The following HLF variants were observed in gnomAD, a reference collection of about 807,000 sequenced individuals.
HLF encodes HLF transcription factor, PAR bZIP family member, also known as hepatic leukemia factor.
A neutral mutation model predicts 22.6 loss-of-function variants in HLF; 3 were observed. That is an observed-to-expected ratio of 0.13 (90% CI 0.06 to 0.34). The LOEUF is 0.34. HLF is among the 10% of genes least tolerant of loss of function. The probability of loss-of-function intolerance (pLI) is 1.00; values close to 1 mark genes in which losing one functional copy is unlikely to be tolerated. For synonymous variants in HLF, 151 were observed against 151.8 expected (o/e 0.99, Z 0.04); for missense variants, 299 against 389.2 (o/e 0.77, Z 1.95).
At chr17:55,304,605 C>T (rs1319863160) in intron 2 of HLF, among the ~76,000 whole-genome samples, 1 of 152,218 alleles carries the variant, frequency 6.6e-6, no homozygotes, top group East Asian at 1.9e-4. Context: ...TAGTCTGGGC[C>T]ACTTTGAGTA....
At position 55,320,827 on chromosome 17, in the gene HLF, G is replaced by A; in HGVS notation, c.836G>A (p.Gly279Asp). ...QEVADLRKEL[G>D]KCKNILAKYE... ...GTGGCTGACTTGAGGAAGGAGCTGG[G>A]CAAATGCAAGAACATACTTGCCAAG... Residue 279 changes from glycine to aspartate, a missense_variant, in exon 4 of 4, where the codon GGC (glycine) becomes GAC (aspartate). Physicochemically the swap from Gly to Asp is moderately conservative, Grantham distance 94 (BLOSUM62 -1). Transcript: ENST00000226067. This position sits in a 1 kb window ranked among gnomAD's most constrained non-coding sequence, Gnocchi z 4.2. 1 of 1,613,808 alleles carries A rather than the reference G, an allele frequency of 6.2e-7. No individual in the cohort carries two copies. Among genetic ancestry groups the A allele is most frequent in the Non-Finnish European group, 8.5e-7 (1 of 1,179,920 alleles).
At chr17:55,268,278 C>T (rs541296058) in intron 2 of HLF, among the ~76,000 whole-genome samples, 192 bp downstream of exon 2, 2 of 152,228 alleles carry the variant, frequency 1.3e-5, no homozygotes, top group African/African-American at 2.4e-5. Flanking sequence ...CTGGAGAGTC[C>T]GGTAAATACA....
At chr17:55,276,336 C>T (rs2080904260) in intron 2 of HLF, among the ~76,000 whole-genome samples, 1 of 152,158 alleles carries the variant, frequency 6.6e-6, no homozygotes, top group African/African-American at 2.4e-5. Context: ...GACAAACTAG[C>T]ATGTTCTCAG....
chr17:55,319,707 G>A (rs559799397), intron 3 of HLF, among the ~76,000 whole-genome samples: 5 of 152,030 alleles, frequency 3.3e-5, no homozygotes, highest in African/African-American at 7.2e-5. Flanking sequence ...ATTGATTAGC[G>A]GCAGGTTGAA....
At chr17:55,309,699 G>A (rs953537266) in intron 2 of HLF, among the ~76,000 whole-genome samples, 5 of 152,152 alleles carry the variant, frequency 3.3e-5, no homozygotes, top group Non-Finnish European at 5.9e-5. Flanking sequence ...AATTGATAGA[G>A]GATAATGTTA....
At chr17:55,318,438 T>G (rs1006634333) in intron 3 of HLF, among the ~76,000 whole-genome samples, 5 of 152,148 alleles carry the variant, frequency 3.3e-5, no homozygotes, top group African/African-American at 1.2e-4. Flanking sequence ...GAGAGCACTT[T>G]AGAAGTGAGA....
chr17:55,276,880 A>C (rs1323418170), intron 2 of HLF, among the ~76,000 whole-genome samples: 1 of 152,232 alleles, frequency 6.6e-6, no homozygotes, highest in Non-Finnish European at 1.5e-5. Context: ...TTCCTCTGGC[A>C]AGCCAGGATT....
Position 55,320,942 on chromosome 17 carries a change from C to A in HLF, c.*63C>A. 7.7e-7 allele frequency: 1 copy of A among 1,298,516 alleles called. No individual in the cohort carries two copies. The highest frequency in any genetic ancestry group is 2.1e-5 in the Admixed American group (1 of 48,458). The allele number at this position is 1,298,516 out of a possible 1,614,324, so 80.4% of individuals were successfully genotyped here. ...CAGTTTGTTTCCTGTCTGATAGCACCACACGCAAACCAACCTTTCTGACAT... is the reference window on the plus strand; with the variant it reads ...CAGTTTGTTTCCTGTCTGATAGCACAACACGCAAACCAACCTTTCTGACAT... On this transcript the variant is annotated 3_prime_UTR_variant, in exon 4 of 4. Coordinates refer to ENST00000226067, the MANE Select transcript of HLF (RefSeq NM_002126.5). This position sits in a 1 kb window ranked among gnomAD's most constrained non-coding sequence, Gnocchi z 4.2.
Position 55,320,233 on chromosome 17 carries a change from G to C in HLF, c.673-431G>C, listed in dbSNP as rs1330319500. Among the ~76,000 whole-genome samples, 1 of 152,190 alleles carries C rather than the reference G, an allele frequency of 6.6e-6. No individual in the cohort carries two copies. The highest frequency in any genetic ancestry group is 1.9e-4 in the East Asian group (1 of 5,200). ...AGTATATCCATTTAAATAGTTGATA[G>C]ATATTGCCAAATTGCCTTCTAAAAT... is the stretch of plus-strand genomic sequence containing the variant. On this transcript the variant is annotated intron_variant, in intron 3 of 3. Coordinates refer to ENST00000226067, the MANE Select transcript of HLF (RefSeq NM_002126.5). This position sits in a 1 kb window ranked among gnomAD's most constrained non-coding sequence, Gnocchi z 4.2.
At chr17:55,283,891 CA>C (rs1387274575) in intron 2 of HLF, 1 of 152,214 alleles carries the variant, frequency 6.6e-6, no homozygotes, top group African/African-American at 2.4e-5. Context: ...AAATCAAAAT[CA>C]AAGTGCAGCC....
In HLF at chr17:55,265,659, G is replaced by T. The variant is rs918772601; in HGVS notation, c.115+60G>T. 3.6e-5 allele frequency: 46 copies of T among 1,282,074 alleles called. No homozygotes were observed. The East Asian group carries it at 1.2e-3, about 33-fold the overall frequency. 79.4% of individuals were successfully genotyped at this position (1,282,074 alleles called of 1,614,324 possible). A position where few individuals can be genotyped will look rare whatever the true frequency, so the allele number is the denominator to read the frequency against. On this transcript the variant is annotated intron_variant, in intron 1 of 3. Transcript: ENST00000226067. ...CGACGCTCCGGGGGTCCCCCTCCGC[G>T]GCCGGGCACGCCCGCTGGAGCATCC...
intron 2 of HLF, among the ~76,000 whole-genome samples, chr17:55,304,967 A>G (rs1179934799): frequency 6.6e-6 from 1 of 152,230 alleles, no homozygotes; most frequent in Admixed American, 6.5e-5. Context: ...GGCCCAAGGA[A>G]AGGGGCTCAG....
intron 2 of HLF, among the ~76,000 whole-genome samples, chr17:55,290,391 G>A (rs978029322): frequency 2.0e-5 from 3 of 152,044 alleles, no homozygotes; most frequent in African/African-American, 7.3e-5. Context: ...TGTTCACTTG[G>A]TGTCTCTGTC....
intron 2 of HLF, among the ~76,000 whole-genome samples, chr17:55,285,289 A>G (rs1196177105): frequency 6.6e-6 from 1 of 152,182 alleles, no homozygotes; most frequent in Admixed American, 6.5e-5. Flanking sequence ...AGGTATATCC[A>G]AAGTCTTGAG....
At chr17:55,269,387 A>G (rs527998765) in intron 2 of HLF, among the ~76,000 whole-genome samples, 36 of 152,264 alleles carry the variant, frequency 2.4e-4, no homozygotes, top group African/African-American at 8.4e-4. Flanking sequence ...ATCCCCTGCT[A>G]CTTAGAATGT....
intron 2 of HLF, among the ~76,000 whole-genome samples, chr17:55,276,189 T>C: frequency 6.6e-6 from 1 of 152,196 alleles, no homozygotes; most frequent in East Asian, 1.9e-4. Flanking sequence ...AAATAGCATC[T>C]GTTTTTGCTC....
At chr17:55,302,325 T>A (rs1277198145) in intron 2 of HLF, among the ~76,000 whole-genome samples, 1 of 152,316 alleles carries the variant, frequency 6.6e-6, no homozygotes, top group African/African-American at 2.4e-5. Flanking sequence ...CAAGAAGGCT[T>A]TGGAAAGGCA....
intron 3 of HLF, among the ~76,000 whole-genome samples, chr17:55,317,127 C>T (rs2145374110): frequency 1.3e-5 from 2 of 151,996 alleles, no homozygotes; most frequent in East Asian, 3.9e-4. Flanking sequence ...GCCACCACGC[C>T]CGGCTAATTT....
At chr17:55,279,351 G>C (rs1220746955) in intron 2 of HLF, among the ~76,000 whole-genome samples, 1 of 152,154 alleles carries the variant, frequency 6.6e-6, no homozygotes, top group Admixed American at 6.5e-5. Context: ...TCACTTGCCT[G>C]ACAGTAGCAT....
Sources: allele counts gnomAD v4.1 joint callset (sites outside exome capture counted in the v4.1 genomes callset), GRCh38; gene constraint gnomAD v4.1.1; non-coding constraint Gnocchi (gnomAD v3.1); transcripts MANE v1.5; gene names NCBI Gene and HGNC (gene_info 2026-07-23, HGNC 2026-07-21).